The following CNTNAP2 variants were observed in gnomAD, a reference collection of about 807,000 sequenced individuals.
The protein encoded by CNTNAP2 is contactin associated protein 2.
Under a neutral mutation model 155.2 loss-of-function variants are expected in CNTNAP2, and 98 were observed. That is an observed-to-expected ratio of 0.63 (90% confidence interval 0.54 to 0.75). CNTNAP2 has a LOEUF of 0.75. Among genes scored for constraint, CNTNAP2 ranks in the 30% least tolerant of loss-of-function variants. The pLI, the probability that CNTNAP2 is intolerant of heterozygous loss-of-function variation, is 0.00. For synonymous variants in CNTNAP2, 651 were observed against 631.2 expected (o/e 1.03, Z -0.47); for missense variants, 1,727 against 1,688.1 (o/e 1.02, Z -0.40).
intron 4 of CNTNAP2, among the ~76,000 whole-genome samples, chr7:147,098,612 G>T (rs1352163703): frequency 2.0e-5 from 3 of 152,174 alleles, no homozygotes; most frequent in African/African-American, 7.2e-5. Context: ...ACTAACTTTT[G>T]CCAACAATTC....
At chr7:146,155,895 G>A (rs1798118773) in intron 1 of CNTNAP2, among the ~76,000 whole-genome samples, 1 of 151,578 alleles carries the variant, frequency 6.6e-6, no homozygotes, top group African/African-American at 2.4e-5. Context: ...GTTAAGATGG[G>A]GTTTCACCAT....
At chr7:147,189,709 A>G (rs991768524) in intron 8 of CNTNAP2, among the ~76,000 whole-genome samples, 3 of 151,562 alleles carry the variant, frequency 2.0e-5, no homozygotes, top group African/African-American at 7.3e-5. Context: ...TCCTTACTCT[A>G]TGACTTCCAA....
chr7:146,368,684 C>G (rs904529092), intron 1 of CNTNAP2, among the ~76,000 whole-genome samples: 2 of 151,882 alleles, frequency 1.3e-5, no homozygotes. Flanking sequence ...GATAAGTGTC[C>G]CAGTGAGTCC....
At position 148,369,326 on chromosome 7, in the gene CNTNAP2, G is replaced by A. The variant is rs147796072; in HGVS notation, c.3476-14323G>A. On this transcript the variant is annotated intron_variant, in intron 21 of 23. Coordinates refer to ENST00000361727, the MANE Select transcript of CNTNAP2 (RefSeq NM_014141.6). ...CCATTCTCATGCCCCAACCTCCCAA[G>A]TAGCTGGAATTACAGGGGTGTGCCA... 5.7e-3 allele frequency among the ~76,000 whole-genome samples: 859 copies of A among 151,008 alleles called. 6 individuals carry two copies. Among genetic ancestry groups the A allele is most frequent in the African/African-American group, 0.02 (803 of 40,962 alleles).
rs1329123333 is a variant in CNTNAP2, at chr7:147,774,426, G to A, written c.2099-129139G>A. 2.0e-5 allele frequency among the ~76,000 whole-genome samples: 3 copies of A among 152,174 alleles called. No homozygotes were observed. The East Asian group carries it at 5.8e-4, about 29-fold the overall frequency. Reference sequence around the variant, plus strand: ...ATGGTTTAAAATGTTTAAAAACTGAGAGGGTTAAAACAATAGAATTTCTTG... The same window carrying A: ...ATGGTTTAAAATGTTTAAAAACTGAAAGGGTTAAAACAATAGAATTTCTTG... On this transcript the variant is annotated intron_variant, in intron 13 of 23. Transcript: ENST00000361727.
chr7:146,984,696 T>C (rs1413108722), intron 3 of CNTNAP2, among the ~76,000 whole-genome samples: 1 of 152,204 alleles, frequency 6.6e-6, no homozygotes, highest in Non-Finnish European at 1.5e-5. Context: ...CTCCACATCC[T>C]CATTAAGTTT....
intron 23 of CNTNAP2, among the ~76,000 whole-genome samples, chr7:148,413,401 A>AAAAAAAAAAAATATATATATAT (rs1442990213): frequency 2.2e-5 from 1 of 45,372 alleles, no homozygotes; most frequent in Non-Finnish European, 4.2e-5. Context: ...TCAAAAAAAA[A>AAAAAAAAAAAATATATATATAT]ATATATATAT....
intron 17 of CNTNAP2, among the ~76,000 whole-genome samples, chr7:148,163,930 G>T (rs1479413335): frequency 6.6e-6 from 1 of 152,084 alleles, no homozygotes; most frequent in Non-Finnish European, 1.5e-5. Context: ...CAGGTATTTT[G>T]TTTTGTTTTG....
rs182373208 is a variant in CNTNAP2, at chr7:146,345,672, C to T, written c.97+228699C>T. 3.9e-5 allele frequency among the ~76,000 whole-genome samples: 6 copies of T among 152,248 alleles called. No homozygotes were observed. The East Asian group carries it at 1.2e-3, about 29-fold the overall frequency. ...TCCACTCCACTTCACTTTCAATATG[C>T]AATTTTAAACATCATAATTTTTACC... On this transcript the variant is annotated intron_variant, in intron 1 of 23. Coordinates refer to ENST00000361727, the MANE Select transcript of CNTNAP2 (RefSeq NM_014141.6).
chr7:147,803,388 T>C (rs898097706), intron 13 of CNTNAP2, among the ~76,000 whole-genome samples: 3 of 152,178 alleles, frequency 2.0e-5, no homozygotes, highest in Admixed American at 1.3e-4. Flanking sequence ...TTGGATGAAC[T>C]GGGCATTGTG....
At chr7:147,139,682 T>G (rs950822865) in intron 8 of CNTNAP2, among the ~76,000 whole-genome samples, 1 of 152,074 alleles carries the variant, frequency 6.6e-6, no homozygotes, top group Non-Finnish European at 1.5e-5. Flanking sequence ...TGTAACTAGA[T>G]GTGGAAATCA....
intron 21 of CNTNAP2, among the ~76,000 whole-genome samples, chr7:148,349,563 G>A (rs186670555): frequency 8.6e-5 from 13 of 151,852 alleles, no homozygotes; most frequent in East Asian, 3.9e-4. Context: ...CACCATGCCC[G>A]GCTAATTTTT....
At chr7:146,737,776 A>AAC (rs1489845156) in intron 1 of CNTNAP2, among the ~76,000 whole-genome samples, 1 of 152,022 alleles carries the variant, frequency 6.6e-6, no homozygotes, top group African/African-American at 2.4e-5. Flanking sequence ...TACTTAACAT[A>AAC]ATGTCCTTCA....
At chr7:146,790,241 T>C (rs1360179173) in intron 2 of CNTNAP2, among the ~76,000 whole-genome samples, 1 of 152,238 alleles carries the variant, frequency 6.6e-6, no homozygotes, top group Admixed American at 6.5e-5. Flanking sequence ...TCATTGATGA[T>C]GGAAAATAAT....
chr7:147,565,411 G>A (rs913252896), intron 12 of CNTNAP2, among the ~76,000 whole-genome samples: 1 of 152,094 alleles, frequency 6.6e-6, no homozygotes, highest in Non-Finnish European at 1.5e-5. Context: ...GTGGGTGGTC[G>A]TCTATGGAAA....
intron 8 of CNTNAP2, among the ~76,000 whole-genome samples, chr7:147,164,342 A>G (rs572304817): frequency 6.6e-6 from 1 of 152,216 alleles, no homozygotes; most frequent in Non-Finnish European, 1.5e-5. Flanking sequence ...CTTGTCTTAC[A>G]ATGCATAAAC....
At chr7:146,172,032 ATTTTTTTTTT>A (rs61619996) in intron 1 of CNTNAP2, among the ~76,000 whole-genome samples, 1 of 67,636 alleles carries the variant, frequency 1.5e-5, no homozygotes, top group Admixed American at 2.0e-4. Flanking sequence ...TGCTCTTAGT[ATTTTTTTTTT>A]TTTTTTTTTT....
intron 8 of CNTNAP2, among the ~76,000 whole-genome samples, chr7:147,143,057 T>C (rs545259090): frequency 6.6e-6 from 1 of 152,332 alleles, no homozygotes; most frequent in East Asian, 1.9e-4. Context: ...CATACTCCTC[T>C]ACTATTATGT....
rs544479148 is a variant in CNTNAP2 at position 148,380,082 on chromosome 7, C to T, written c.3476-3567C>T. 6.6e-5 allele frequency among the ~76,000 whole-genome samples: 10 copies of T among 152,138 alleles called. No homozygotes were observed. The South Asian group carries it at 2.1e-3, about 32-fold the overall frequency. On this transcript the variant is annotated intron_variant, in intron 21 of 23. Coordinates refer to ENST00000361727, the MANE Select transcript of CNTNAP2 (RefSeq NM_014141.6). Reference sequence around the variant, plus strand: ...TATCGTTATGAATATAAGACATTAACGTACTGATTGCCACTTGAGAATCTC... The same window carrying T: ...TATCGTTATGAATATAAGACATTAATGTACTGATTGCCACTTGAGAATCTC...
Sources: allele counts gnomAD v4.1 joint callset (sites outside exome capture counted in the v4.1 genomes callset), GRCh38; gene constraint gnomAD v4.1.1; transcripts MANE v1.5; gene names NCBI Gene and HGNC (gene_info 2026-07-23, HGNC 2026-07-21).